PLCB4: variants seen among roughly 807,000 people sequenced by gnomAD.
PLCB4 encodes the protein phospholipase C beta 4, also known as 1-phosphatidylinositol 4,5-bisphosphate phosphodiesterase beta-4.
A neutral mutation model predicts 178.8 loss-of-function variants in PLCB4; 77 were observed. The ratio of observed to expected loss-of-function variants is 0.43; its 90% confidence interval spans 0.36 to 0.52. PLCB4 has a LOEUF of 0.52. Ranked by LOEUF, PLCB4 falls within the 20% of genes least tolerant of loss-of-function variation. The probability of loss-of-function intolerance (pLI) is 0.00; values close to 1 mark genes in which losing one functional copy is unlikely to be tolerated. For missense variants in PLCB4, 1,024 were observed against 1,453.4 expected (o/e 0.70, Z 4.80); for synonymous variants, 496 against 490.8 (o/e 1.01, Z -0.14).
intron 9 of PLCB4, among the ~76,000 whole-genome samples, chr20:9,370,269 A>G (rs2036134212): frequency 6.6e-6 from 1 of 152,186 alleles, no homozygotes; most frequent in Admixed American, 6.6e-5. Context: ...TTGTTGAAAC[A>G]TTGGATAATT....
chr20:9,206,660 A>G (rs1392626015), intron 2 of PLCB4, among the ~76,000 whole-genome samples: 1 of 152,164 alleles, frequency 6.6e-6, no homozygotes, highest in African/African-American at 2.4e-5. Flanking sequence ...GTAGGCAGAG[A>G]ATAATTACCT....
At chr20:9,111,344 C>A (rs1242915504) in intron 2 of PLCB4, among the ~76,000 whole-genome samples, 1 of 152,212 alleles carries the variant, frequency 6.6e-6, no homozygotes, top group Non-Finnish European at 1.5e-5. Context: ...GCTTTTGTAA[C>A]CTCCTTTTCC....
At chr20:9,205,523 T>C (rs1201147341) in intron 2 of PLCB4, among the ~76,000 whole-genome samples, 1 of 152,202 alleles carries the variant, frequency 6.6e-6, no homozygotes, top group Non-Finnish European at 1.5e-5. Flanking sequence ...AGAAATCTCA[T>C]ATATCCTTTA....
rs182011506 is a variant in PLCB4, at chr20:9,474,721, A to G, written c.3495+1356A>G. ...AAAATAAAATCTTTTTTGTATGGCA[A>G]TTGGGTAACAGATAAATCTGACTTC... On this transcript the variant is annotated intron_variant, in intron 38 of 39. Transcript: ENST00000378473. 4.6e-5 allele frequency among the ~76,000 whole-genome samples: 7 copies of G among 152,318 alleles called. No homozygotes were observed. The East Asian group carries it at 5.8e-4, about 13-fold the overall frequency.
intron 3 of PLCB4, among the ~76,000 whole-genome samples, chr20:9,259,449 G>C (rs760633325): frequency 1.3e-5 from 2 of 152,122 alleles, no homozygotes; most frequent in Non-Finnish European, 2.9e-5. Context: ...GAAATGAAGA[G>C]AAATACAGGG....
At chr20:9,283,828 C>G (rs575953159) in intron 3 of PLCB4, among the ~76,000 whole-genome samples, 2 of 151,904 alleles carry the variant, frequency 1.3e-5, no homozygotes, top group East Asian at 3.9e-4. Flanking sequence ...ACCCTAATGC[C>G]CTACTTTATT....
At chr20:9,333,473 A>G (rs1282701840) in intron 4 of PLCB4, among the ~76,000 whole-genome samples, 1 of 152,210 alleles carries the variant, frequency 6.6e-6, no homozygotes, top group Non-Finnish European at 1.5e-5. Flanking sequence ...GCAGGAAAAG[A>G]GTTTTTATGG....
intron 35 of PLCB4, among the ~76,000 whole-genome samples, chr20:9,463,334 G>A (rs148635700): frequency 0.025 from 3,773 of 152,166 alleles, 155 homozygotes; most frequent in African/African-American, 0.085. Context: ...AAAGACCAAC[G>A]AGGCTAGGAA....
At chr20:9,176,560 T>G (rs555851576) in intron 2 of PLCB4, among the ~76,000 whole-genome samples, 3 of 152,318 alleles carry the variant, frequency 2.0e-5, no homozygotes, top group African/African-American at 7.2e-5. Flanking sequence ...TTATTTACAT[T>G]ATGCACACAT....
chr20:9,291,758 G>A (rs1411249485), intron 3 of PLCB4, among the ~76,000 whole-genome samples: 2 of 152,072 alleles, frequency 1.3e-5, no homozygotes, highest in African/African-American at 4.8e-5. Context: ...ACATTTTTTT[G>A]ACTAAAGGTT....
intron 1 of PLCB4, among the ~76,000 whole-genome samples, chr20:9,074,417 A>C (rs73084019): frequency 1.2e-3 from 185 of 152,316 alleles, no homozygotes; most frequent in Non-Finnish European, 1.8e-3. Context: ...GAACAATTAA[A>C]AGCATGTTTA....
intron 3 of PLCB4, among the ~76,000 whole-genome samples, chr20:9,255,945 T>C (rs76111117): frequency 1.5e-3 from 227 of 151,282 alleles, no homozygotes; most frequent in African/African-American, 5.3e-3. Flanking sequence ...TATATATATA[T>C]ACACACACCA....
intron 4 of PLCB4, among the ~76,000 whole-genome samples, chr20:9,329,476 T>C (rs1297664837): frequency 1.3e-5 from 2 of 152,184 alleles, no homozygotes; most frequent in Non-Finnish European, 2.9e-5. Flanking sequence ...ACTGTGTATG[T>C]TACCTAGCAA....
intron 2 of PLCB4, among the ~76,000 whole-genome samples, chr20:9,156,022 A>T (rs2146955866): frequency 6.6e-6 from 1 of 152,308 alleles, no homozygotes; most frequent in South Asian, 2.1e-4. Flanking sequence ...CCGTTGTCTT[A>T]GTCTGTTAAA....
chr20:9,311,297 T>G (rs2094830583), intron 4 of PLCB4, among the ~76,000 whole-genome samples: 1 of 152,182 alleles, frequency 6.6e-6, no homozygotes, highest in Admixed American at 6.5e-5. Context: ...TACTCCAATT[T>G]GTTTCCTTCC....
intron 2 of PLCB4, among the ~76,000 whole-genome samples, chr20:9,149,481 A>G (rs2092654635): frequency 6.6e-6 from 1 of 152,142 alleles, no homozygotes. Context: ...CGATTTATTG[A>G]ATTTGCCTTC....
intron 2 of PLCB4, among the ~76,000 whole-genome samples, chr20:9,141,428 T>G (rs763300908): frequency 2.0e-5 from 3 of 152,102 alleles, no homozygotes; most frequent in Non-Finnish European, 4.4e-5. Context: ...AGTAAAAGAA[T>G]CAAAATGCCA....
Position 9,373,416 on chromosome 20 carries a change from T to G in PLCB4, c.744+312T>G, listed in dbSNP as rs143697128. Among the ~76,000 whole-genome samples the G allele has an allele frequency of 3.3e-5, 5 of 152,374 alleles. No individual in the cohort carries two copies. The East Asian group carries it at 9.6e-4, about 29-fold the overall frequency. The stretch of plus-strand genomic sequence containing the variant: ...GTGTCTGTGTTTTTGCAAGATGATA[T>G]TTAAGGTACTTTTTTTCTATTGATC... On this transcript the variant is annotated intron_variant, in intron 12 of 39. Transcript: ENST00000378473.
At position 9,423,148 on chromosome 20, in the gene PLCB4, C is replaced by T. The variant is rs193201479; in HGVS notation, c.2320-600C>T. ...AAAGTATGTTAATGTTTCTAGCTAC[C>T]GCATCTTACTCTATTTAACATCCCA... On this transcript the variant is annotated intron_variant, in intron 27 of 39. Coordinates refer to ENST00000378473, the MANE Select transcript of PLCB4 (RefSeq NM_001377142.1). Among the ~76,000 whole-genome samples the T allele has an allele frequency of 5.9e-5, 9 of 152,264 alleles. 1 individual carries two copies. In the South Asian group the frequency reaches 1.0e-3, roughly 18 times the overall value.
Sources: gnomAD v4.1 joint callset for allele counts (sites outside exome capture counted in the v4.1 genomes callset) on GRCh38, gnomAD v4.1.1 for gene constraint, MANE v1.5 for transcripts, NCBI Gene and HGNC (gene_info 2026-07-23, HGNC 2026-07-21) for gene names.